NPDC1: variants seen among roughly 807,000 people sequenced by gnomAD.
NPDC1 encodes the protein neural proliferation, differentiation and control 1, also known as neural proliferation differentiation and control protein 1.
Under a neutral mutation model 32.5 loss-of-function variants are expected in NPDC1, and 18 were observed. The ratio of observed to expected loss-of-function variants is 0.55; its 90% CI spans 0.38 to 0.82. The LOEUF is 0.82. NPDC1 is among the 40% of genes least tolerant of loss of function. NPDC1 has a pLI of 0.00. For synonymous variants in NPDC1, 210 were observed against 184.7 expected (o/e 1.14, Z -1.11); for missense variants, 468 against 406.6 (o/e 1.15, Z -1.30).
At position 137,040,665 on chromosome 9, in the gene NPDC1, G is replaced by T. The variant is rs1271859865; in HGVS notation, c.623+6C>A. 3.2e-6 allele frequency: 5 copies of T among 1,575,122 alleles called. No homozygotes were observed. Among genetic ancestry groups the T allele is most frequent in the Non-Finnish European group, 3.4e-6 (4 of 1,165,590 alleles). On this transcript the variant is annotated splice_donor_region_variant and intron_variant, in intron 5 of 8. Coordinates refer to ENST00000371601, the MANE Select transcript of NPDC1 (RefSeq NM_015392.4). ...CTCCCTGCCCTGCCCGCGGCCACTGGCTCACCTGCACCAGCAGAGGGAGGC... is the reference window on the plus strand; with the variant it reads ...CTCCCTGCCCTGCCCGCGGCCACTGTCTCACCTGCACCAGCAGAGGGAGGC...
chr9:137,044,422 A>G (rs892128220), intron 1 of NPDC1, among the ~76,000 whole-genome samples: 1 of 152,138 alleles, frequency 6.6e-6, no homozygotes, highest in African/African-American at 2.4e-5. Context: ...CTGATACCCC[A>G]CCGTCCACCA....
Position 137,041,324 on chromosome 9 carries a change from T to C in NPDC1, c.260-137A>G, listed in dbSNP as rs1300094736. The C allele has an allele frequency of 1.1e-5, 11 of 1,011,308 alleles. No homozygotes were observed. The Admixed American group carries it at 2.8e-4, about 26-fold the overall frequency. 62.6% of individuals were successfully genotyped at this position (1,011,308 alleles called of 1,614,324 possible). ...GCCTGGAGGCCCTCTCCCTCCCAGA[T>C]TGCCATGGTGACAGCGCGGGCGCTT... On this transcript the variant is annotated intron_variant, in intron 2 of 8. Coordinates refer to ENST00000371601, the MANE Select transcript of NPDC1 (RefSeq NM_015392.4).
In NPDC1 at chr9:137,040,979, G is replaced by A. The variant is rs760110737; in HGVS notation, c.391C>T (p.Leu131=). 30 of 1,537,362 alleles carry A rather than the reference G, an allele frequency of 2.0e-5. No homozygotes were observed. The South Asian group carries it at 3.7e-4, about 19-fold the overall frequency. ...DRQRLPEPAT[L]GFSARGQGLE... ...CCCTGCCCCCGTGCCGAGAAGCCCA[G>A]GGTGGCTGCGAGAGAGGACAGGTTA... Residue 131 remains leucine (L), a synonymous_variant, in exon 4 of 9, where the codon CTG becomes TTG. Coordinates refer to ENST00000371601, the MANE Select transcript of NPDC1 (RefSeq NM_015392.4).
At chr9:137,044,165 T>A (rs1832094264) in intron 1 of NPDC1, 1 of 152,386 alleles carries the variant, frequency 6.6e-6, no homozygotes, top group African/African-American at 2.4e-5. Context: ...TTGGTTTCCT[T>A]GGTAACCTGA....
In NPDC1 at chr9:137,039,601, C is replaced by T; in HGVS notation, c.*171G>A. ...GAGGTGCAGGGGACCAGGAGGTGTC[C>T]TGGCACAAAGGTTCGGGGGTCTCCC... is the stretch of plus-strand genomic sequence containing the variant. On this transcript the variant is annotated 3_prime_UTR_variant, in exon 9 of 9. Transcript: ENST00000371601. 1.7e-6 allele frequency: 1 copy of T among 585,628 alleles called. No homozygotes were observed. The highest frequency in any genetic ancestry group is 2.1e-5 in the South Asian group (1 of 47,198). The allele number at this position is 585,628 out of a possible 1,614,324, so 36.3% of individuals were successfully genotyped here.
At chr9:137,043,526 C>T in intron 1 of NPDC1, 1 of 606,220 alleles carries the variant, frequency 1.6e-6, no homozygotes, top group Non-Finnish European at 3.0e-6. Flanking sequence ...CCTCTCCTTC[C>T]CGTGCGGCTC....
chr9:137,041,243 G>A, intron 2 of NPDC1, 56 bp from the exon 3 acceptor site: 1 of 1,348,640 alleles, frequency 7.4e-7, no homozygotes, highest in Non-Finnish European at 9.5e-7. Flanking sequence ...GTAGCCCCAG[G>A]CCCGGCCTCC....
In NPDC1 at chr9:137,046,164, T is replaced by C; in HGVS notation, c.-175A>G. 9.1e-7 allele frequency: 1 copy of C among 1,098,462 alleles called. No individual in the cohort carries two copies. The highest frequency in any genetic ancestry group is 1.1e-6 in the Non-Finnish European group (1 of 902,314). 68.0% of individuals were successfully genotyped at this position (1,098,462 alleles called of 1,614,324 possible). ...AAGGCACGGGCGGCGGCGCTGACGC[T>C]GCAGCAAGGATCCGGGATGGAGGCG... On this transcript the variant is annotated 5_prime_UTR_variant, in exon 1 of 9. Transcript: ENST00000371601.
chr9:137,042,936 G>A lies in NPDC1; in HGVS notation c.250C>T (p.Arg84Trp), dbSNP rs746451478. ...CCCTTTGCTCTCGTACCTGGAGGCC[G>A]GCGCATCCTGGGCACACAGAGCCCT... ...QQGLCVPRMR[R>W]PPGGGRPQPR... is the part of the protein sequence containing the mutation. Residue 84 changes from arginine to tryptophan, a missense_variant, in exon 2 of 9, where the codon CGG becomes TGG. By Grantham distance (101) the Arg-to-Trp change is moderately radical. Transcript: ENST00000371601. The A allele has an allele frequency of 7.5e-5, 119 of 1,596,458 alleles. No homozygotes were observed. The highest frequency in any genetic ancestry group is 8.8e-5 in the Non-Finnish European group (103 of 1,169,198).
At chr9:137,045,589 C>T (rs1186948165) in intron 1 of NPDC1, among the ~76,000 whole-genome samples, 1 of 152,222 alleles carries the variant, frequency 6.6e-6, no homozygotes, top group Non-Finnish European at 1.5e-5. Context: ...GGCGCGGAGG[C>T]CTGAGCCAGA....
chr9:137,040,466 G>T, intron 6 of NPDC1, 30 bp from the exon 7 acceptor site: 1 of 1,567,448 alleles, frequency 6.4e-7, no homozygotes. Flanking sequence ...AGGGTCAGTT[G>T]GCGGCCAGAG....
chr9:137,043,349 C>G, intron 1 of NPDC1: 1 of 717,100 alleles, frequency 1.4e-6, no homozygotes. Flanking sequence ...TGAGTCTCGC[C>G]GTCCAGGCAG....
In NPDC1 at chr9:137,040,888, G is replaced by A; in HGVS notation, c.482C>T (p.Ser161Phe). Residue 161 changes from serine to phenylalanine, a missense_variant, in exon 4 of 9, where the codon TCC (serine) becomes TTC (phenylalanine). Transcript: ENST00000371601. ...GTGCACCGGGTCGGATGACACAGGG[G>A]AGCCCAGGGAGGTGTGGGGCGTGGG... ...PTPTPHTSLG[S>F]PVSSDPVHMS... is the part of the protein sequence containing the mutation. 2 of 1,591,508 alleles carry A rather than the reference G, an allele frequency of 1.3e-6. No individual in the cohort carries two copies. Among genetic ancestry groups the A allele is most frequent in the Non-Finnish European group, 1.7e-6 (2 of 1,171,320 alleles).
intron 7 of NPDC1, 90 bp from the exon 8 acceptor site, chr9:137,040,157 T>G (rs921884986): frequency 2.0e-5 from 14 of 710,138 alleles, no homozygotes; most frequent in Middle Eastern, 3.0e-4. Flanking sequence ...ACCTCAGCCC[T>G]GGGGTGGCAG....
chr9:137,042,590 T>C (rs1461470969), intron 2 of NPDC1, among the ~76,000 whole-genome samples: 1 of 121,488 alleles, frequency 8.2e-6, no homozygotes, highest in Non-Finnish European at 1.7e-5. Context: ...TGAGACAGAG[T>C]CTCGCACTGT....
rs149197584 is a variant in NPDC1 at position 137,041,358 on chromosome 9, G to C, written c.260-171C>G. ...TGACAGCGCGGGCGCTTCCTGTGAG[G>C]GGCAGTGCTTCCCGGAAAGTGGAGG... On this transcript the variant is annotated intron_variant, in intron 2 of 8. Coordinates refer to ENST00000371601, the MANE Select transcript of NPDC1 (RefSeq NM_015392.4). 7.8e-3 allele frequency among the ~76,000 whole-genome samples: 1,189 copies of C among 152,306 alleles called. 21 individuals are homozygous for C. The highest frequency in any genetic ancestry group is 0.027 in the African/African-American group (1,141 of 41,564).
chr9:137,040,630 G>A lies in NPDC1; in HGVS notation c.624-32C>T, dbSNP rs574221036. Reference sequence around the variant, plus strand: ...GGAGTGGGGCCTGAGACCTCTGAGCGTGTGGCACCCTCCCTGCCCTGCCCG... The same window carrying A: ...GGAGTGGGGCCTGAGACCTCTGAGCATGTGGCACCCTCCCTGCCCTGCCCG... On this transcript the variant is annotated intron_variant, in intron 5 of 8. Coordinates refer to ENST00000371601, the MANE Select transcript of NPDC1 (RefSeq NM_015392.4). 1.7e-4 allele frequency: 263 copies of A among 1,562,466 alleles called. 2 individuals carry two copies. The highest frequency in any genetic ancestry group is 1.6e-3 in the South Asian group (139 of 85,462).
rs765943211 is a variant in NPDC1, at chr9:137,043,408, C to T, written c.113-335G>A. 28 of 685,300 alleles carry T rather than the reference C, an allele frequency of 4.1e-5. 1 individual carries two copies. The highest frequency in any genetic ancestry group is 2.8e-4 in the South Asian group (18 of 64,512). The allele number at this position is 685,300 out of a possible 1,614,324, so 42.5% of individuals were successfully genotyped here. A position where few individuals can be genotyped will look rare whatever the true frequency, so the allele number is the denominator to read the frequency against. ...CGTGCAGCCCCACAAGCCCAGCCTCCGGCCTCAACATGCCCCACAGCAAGC... is the reference window on the plus strand; with the variant it reads ...CGTGCAGCCCCACAAGCCCAGCCTCTGGCCTCAACATGCCCCACAGCAAGC... On this transcript the variant is annotated intron_variant, in intron 1 of 8. Transcript: ENST00000371601.
rs185452873 is a variant in NPDC1 at position 137,041,116 on chromosome 9, A to G, written c.331T>C (p.Ser111Pro). ...GGTAGGGGCGGAGTTGAGTGTCCAGACTCCTTCCGGGCAAGCTCCTGGGCC... is the reference window on the plus strand; with the variant it reads ...GGTAGGGGCGGAGTTGAGTGTCCAGGCTCCTTCCGGGCAAGCTCCTGGGCC... ...FLAQELARKE[S>P]GHSTPPLPKD... The change falls in exon 3 of 9, where the codon TCT (serine) becomes CCT (proline). Residue 111 changes from serine (S) to proline (P), a missense_variant. By Grantham distance (74) the Ser-to-Pro change is moderately conservative (BLOSUM62 -1). Transcript: ENST00000371601. 1.4e-4 allele frequency: 207 copies of G among 1,517,016 alleles called. 2 individuals carry two copies. In the Admixed American group the frequency reaches 4.7e-3, roughly 34 times the overall value. The allele number at this position is 1,517,016 out of a possible 1,614,324, so 94.0% of individuals were successfully genotyped here.
Sources: allele counts gnomAD v4.1 joint callset (sites outside exome capture counted in the v4.1 genomes callset), GRCh38; gene constraint gnomAD v4.1.1; transcripts MANE v1.5; gene names NCBI Gene and HGNC (gene_info 2026-07-23, HGNC 2026-07-21).